The following NTM variants were observed in gnomAD, a reference collection of about 807,000 sequenced individuals.
The protein encoded by NTM is IgLON family member 2.
A neutral mutation model predicts 42.1 loss-of-function variants in NTM; 13 were observed. The observed-to-expected ratio is 0.31, with a 90% confidence interval of 0.20 to 0.49. NTM has a LOEUF of 0.49. NTM is among the 20% of genes least tolerant of loss of function. The pLI is 0.99. For synonymous variants in NTM, 187 were observed against 179.2 expected (o/e 1.04, Z -0.35); for missense variants, 373 against 452.8 (o/e 0.82, Z 1.60).
intron 4 of NTM, among the ~76,000 whole-genome samples, chr11:132,258,256 C>T (rs1241555220): frequency 6.6e-6 from 1 of 152,236 alleles, no homozygotes; most frequent in Non-Finnish European, 1.5e-5. Flanking sequence ...CTGTCCTCAT[C>T]TCAGTTGTTA....
At chr11:131,735,840 G>A (rs893595253) in intron 1 of NTM, among the ~76,000 whole-genome samples, 8 of 132,830 alleles carry the variant, frequency 6.0e-5, no homozygotes, top group Non-Finnish European at 1.1e-4. Context: ...CATAAGGTGT[G>A]TGTGTGTGTG....
chr11:132,138,920 C>T (rs2068529112), intron 2 of NTM, among the ~76,000 whole-genome samples: 1 of 152,164 alleles, frequency 6.6e-6, no homozygotes, highest in East Asian at 1.9e-4. Context: ...AGCTGTCTGG[C>T]ATCCCATAGT....
chr11:132,148,220 A>T (rs894766281), intron 3 of NTM, among the ~76,000 whole-genome samples: 1 of 152,242 alleles, frequency 6.6e-6, no homozygotes, highest in Admixed American at 6.5e-5. Context: ...ATTGCATAGA[A>T]GGTATCAGAG....
chr11:132,079,956 C>T (rs1021559352), intron 2 of NTM, among the ~76,000 whole-genome samples: 7 of 151,874 alleles, frequency 4.6e-5, no homozygotes, highest in South Asian at 2.1e-4. Flanking sequence ...TTTTAAATTT[C>T]GAAATATGAC....
intron 4 of NTM, among the ~76,000 whole-genome samples, chr11:132,302,505 G>A (rs1332561555): frequency 6.6e-6 from 1 of 152,166 alleles, no homozygotes; most frequent in Non-Finnish European, 1.5e-5. Context: ...CCACAGGAGG[G>A]TTAGGTGAGC....
intron 1 of NTM, among the ~76,000 whole-genome samples, chr11:131,462,718 T>G (rs1480316819): frequency 6.6e-6 from 1 of 152,116 alleles, no homozygotes; most frequent in African/African-American, 2.4e-5. Flanking sequence ...CTTCCTAGCA[T>G]TGTACAGCAA....
chr11:131,627,018 G>A (rs944529948), intron 1 of NTM, among the ~76,000 whole-genome samples: 2 of 152,190 alleles, frequency 1.3e-5, no homozygotes, highest in Non-Finnish European at 2.9e-5. Flanking sequence ...GATCTGGCGT[G>A]TTTGACAAGC....
At chr11:131,924,983 T>C (rs1232701668) in intron 2 of NTM, among the ~76,000 whole-genome samples, 1 of 152,230 alleles carries the variant, frequency 6.6e-6, no homozygotes, top group Admixed American at 6.5e-5. Flanking sequence ...GTGAGAACCA[T>C]GGCCTTTTCA....
rs1435196142 is a variant in NTM, at chr11:131,777,133, T to C, written c.83-134431T>C. 9 of 818,412 alleles carry C rather than the reference T, an allele frequency of 1.1e-5. No homozygotes were observed. The Admixed American group carries it at 5.0e-4, about 45-fold the overall frequency. The allele number at this position is 818,412 out of a possible 1,614,324, so 50.7% of individuals were successfully genotyped here. On this transcript the variant is annotated intron_variant, in intron 1 of 8. Transcript: ENST00000683400. ...GAAGGAAGTACTCAGTGTATTTATA[T>C]ATATTGCATATAACATCTCCACCAA... is the stretch of plus-strand genomic sequence containing the variant.
At chr11:132,015,850 A>T (rs1394172962) in intron 2 of NTM, among the ~76,000 whole-genome samples, 2 of 151,954 alleles carry the variant, frequency 1.3e-5, no homozygotes, top group Non-Finnish European at 2.9e-5. Context: ...ATACAAGATC[A>T]TATCGTTTGC....
chr11:132,214,763 G>C (rs929237237), intron 4 of NTM, among the ~76,000 whole-genome samples: 2 of 152,258 alleles, frequency 1.3e-5, no homozygotes, highest in East Asian at 3.9e-4. Flanking sequence ...CCTGGGCCAG[G>C]TGTCCCATTT....
intron 1 of NTM, among the ~76,000 whole-genome samples, chr11:131,585,691 G>A (rs2058794981): frequency 6.6e-6 from 1 of 151,948 alleles, no homozygotes; most frequent in Non-Finnish European, 1.5e-5. Context: ...TCTATGTAGG[G>A]CATTTCATCA....
At chr11:131,947,594 A>G (rs2060488696) in intron 2 of NTM, among the ~76,000 whole-genome samples, 1 of 152,192 alleles carries the variant, frequency 6.6e-6, no homozygotes, top group South Asian at 2.1e-4. Context: ...TTCACAGTGA[A>G]TAGAACATCT....
At chr11:131,620,185 C>G (rs577152910) in intron 1 of NTM, among the ~76,000 whole-genome samples, 1 of 152,346 alleles carries the variant, frequency 6.6e-6, no homozygotes, top group African/African-American at 2.4e-5. Flanking sequence ...AGGGCAAGTT[C>G]TATGACTCTA....
At chr11:131,620,572 C>G (rs1444657163) in intron 1 of NTM, among the ~76,000 whole-genome samples, 2 of 152,146 alleles carry the variant, frequency 1.3e-5, no homozygotes, top group Non-Finnish European at 2.9e-5. Flanking sequence ...TCTTGCTGTC[C>G]CTCAAACACA....
rs1024592060 is a variant in NTM at position 132,324,656 on chromosome 11, G to A, written c.935-5497G>A. On this transcript the variant is annotated intron_variant, in intron 7 of 8. Coordinates refer to ENST00000683400, the MANE Select transcript of NTM (RefSeq NM_001352005.2). ...CAAGCTACCAATGACTTTCTTCACAGAATTGGAAAAAAAACTAAAGTTCAT... is the reference window on the plus strand; with the variant it reads ...CAAGCTACCAATGACTTTCTTCACAAAATTGGAAAAAAAACTAAAGTTCAT... Among the ~76,000 whole-genome samples, 73 of 14,720 alleles carry A rather than the reference G, an allele frequency of 5.0e-3. 3 individuals are homozygous for A. The South Asian group carries it at 0.1, about 21-fold the overall frequency. 9.7% of individuals were successfully genotyped at this position (14,720 alleles called of 152,430 possible).
At chr11:131,516,897 T>C (rs1194565162) in intron 1 of NTM, among the ~76,000 whole-genome samples, 1 of 152,166 alleles carries the variant, frequency 6.6e-6, no homozygotes, top group Admixed American at 6.5e-5. Context: ...CCACAGTAGA[T>C]ATAGGGCCAC....
intron 1 of NTM, among the ~76,000 whole-genome samples, chr11:131,706,555 A>G (rs1171650768): frequency 1.3e-5 from 2 of 152,054 alleles, no homozygotes; most frequent in African/African-American, 4.8e-5. Context: ...AAGTGCACAT[A>G]TAACATTCTC....
intron 6 of NTM, among the ~76,000 whole-genome samples, chr11:132,314,157 T>G (rs974213425): frequency 4.6e-5 from 7 of 151,996 alleles, no homozygotes; most frequent in Middle Eastern, 3.4e-3. Context: ...TTCATTTGCA[T>G]GGTTGTCATC....
Sources: gnomAD v4.1 joint callset for allele counts (sites outside exome capture counted in the v4.1 genomes callset) on GRCh38, gnomAD v4.1.1 for gene constraint, MANE v1.5 for transcripts, NCBI Gene and HGNC (gene_info 2026-07-23, HGNC 2026-07-21) for gene names.